FRMD4B: variants seen among roughly 807,000 people sequenced by gnomAD.
FRMD4B encodes FERM domain containing 4B.
A neutral mutation model predicts 141.5 loss-of-function variants in FRMD4B; 74 were observed. The ratio of observed to expected loss-of-function variants is 0.52; its 90% CI spans 0.43 to 0.63. The LOEUF is 0.63. Among genes scored for constraint, FRMD4B ranks in the 30% least tolerant of loss-of-function variants. The probability of loss-of-function intolerance (pLI) is 0.00; values close to 1 mark genes in which losing one functional copy is unlikely to be tolerated. For synonymous variants in FRMD4B, 506 were observed against 467.9 expected (o/e 1.08, Z -1.05); for missense variants, 1,366 against 1,253.4 (o/e 1.09, Z -1.36).
At chr3:69,316,243 CTA>C (rs1701799754) in intron 1 of FRMD4B, among the ~76,000 whole-genome samples, 1 of 152,142 alleles carries the variant, frequency 6.6e-6, no homozygotes, top group Non-Finnish European at 1.5e-5. Context: ...TGGCCTAAGC[CTA>C]TGTCCTTAAT....
intron 1 of FRMD4B, among the ~76,000 whole-genome samples, chr3:69,507,761 C>T (rs1026908394): frequency 2.6e-5 from 4 of 151,964 alleles, no homozygotes; most frequent in African/African-American, 9.7e-5. Context: ...GATGGTCTGG[C>T]TTGATCCAGA....
intron 1 of FRMD4B, among the ~76,000 whole-genome samples, chr3:69,344,962 C>T (rs1486719049): frequency 6.6e-6 from 1 of 152,108 alleles, no homozygotes; most frequent in African/African-American, 2.4e-5. Flanking sequence ...CTGGGTTCAT[C>T]TCACTGGGGC....
Position 69,187,770 on chromosome 3 carries a change from C to G in FRMD4B, c.1919G>C (p.Arg640Thr). ...CCTTACTGATGATATGACCTCTCAC[C>G]TGGACTGCCTGGTATCCACAAACTG... ...NEQFVDTRQS[R>T]EMLSTHSSPY... is the part of the protein sequence containing the mutation. The change falls in exon 19 of 23, where the codon AGA (arginine) becomes ACA (threonine). Residue 640 changes from arginine to threonine, a missense_variant and splice_region_variant. Arg to Thr is a moderately conservative substitution (Grantham distance 71, BLOSUM62 -1). Transcript: ENST00000398540. The G allele has an allele frequency of 6.2e-7, 1 of 1,610,478 alleles. No homozygotes were observed. The highest frequency in any genetic ancestry group is 8.5e-7 in the Non-Finnish European group (1 of 1,178,672).
intron 1 of FRMD4B, chr3:69,472,173 A>T (rs1705903610): frequency 4.0e-6 from 1 of 249,016 alleles, no homozygotes; most frequent in African/African-American, 2.3e-5. Context: ...CTTCACTTCC[A>T]AAAACAGAAA....
intron 1 of FRMD4B, among the ~76,000 whole-genome samples, chr3:69,465,788 T>C (rs577736601): frequency 6.6e-6 from 1 of 152,352 alleles, no homozygotes; most frequent in East Asian, 1.9e-4. Context: ...ATCCAGTCTA[T>C]GACTGATGGA....
At chr3:69,372,316 A>G (rs996192603) in intron 1 of FRMD4B, among the ~76,000 whole-genome samples, 3 of 152,200 alleles carry the variant, frequency 2.0e-5, no homozygotes, top group African/African-American at 7.2e-5. Context: ...TTGTATCCCA[A>G]GTGCCCAGAA....
chr3:69,293,973 C>T (rs1485673071), intron 4 of FRMD4B, among the ~76,000 whole-genome samples: 1 of 145,714 alleles, frequency 6.9e-6, no homozygotes, highest in African/African-American at 2.5e-5. Context: ...TCTGTTTTAA[C>T]ATAAAATGAG....
chr3:69,329,531 T>G (rs1433742195), intron 1 of FRMD4B, among the ~76,000 whole-genome samples: 1 of 123,720 alleles, frequency 8.1e-6, no homozygotes, highest in African/African-American at 3.4e-5. Flanking sequence ...TTTTTTTTTT[T>G]TTTTTTTTTT....
intron 1 of FRMD4B, among the ~76,000 whole-genome samples, chr3:69,482,507 T>G (rs138869719): frequency 1.3e-5 from 2 of 151,966 alleles, no homozygotes; most frequent in Non-Finnish European, 1.5e-5. Context: ...AGAGGGGGAA[T>G]GGGGAGAAAA....
intron 1 of FRMD4B, among the ~76,000 whole-genome samples, chr3:69,489,179 A>T (rs1196186782): frequency 6.6e-6 from 1 of 151,758 alleles, no homozygotes; most frequent in Non-Finnish European, 1.5e-5. Flanking sequence ...AAGAACTCTT[A>T]TATCTTAATA....
intron 1 of FRMD4B, among the ~76,000 whole-genome samples, chr3:69,516,187 T>C (rs1391669718): frequency 6.6e-6 from 1 of 152,102 alleles, no homozygotes; most frequent in Admixed American, 6.6e-5. Flanking sequence ...ATGGCATTAC[T>C]GCACTCTACT....
At position 69,432,165 on chromosome 3, in the gene FRMD4B, T is replaced by C. The variant is rs182039966; in HGVS notation, c.-1+469A>G. Among the ~76,000 whole-genome samples the C allele has an allele frequency of 4.5e-4, 69 of 152,332 alleles. 1 individual carries two copies. Among genetic ancestry groups the C allele is most frequent in the African/African-American group, 1.6e-3 (65 of 41,574 alleles). ...TCCCTTACTCCAATTAAGCTAAAGA[T>C]GAAAATCATTGCACTTATAAAAAGA... On this transcript the variant is annotated intron_variant, in intron 2 of 5. Transcript: ENST00000459638.
chr3:69,382,438 G>A (rs1318464080), intron 1 of FRMD4B, among the ~76,000 whole-genome samples: 5 of 152,214 alleles, frequency 3.3e-5, no homozygotes, highest in African/African-American at 1.2e-4. Context: ...GCCTCCCAAA[G>A]TGCTGGGATT....
chr3:69,197,011 C>T lies in FRMD4B; in HGVS notation c.981G>A (p.Gly327=). The part of the protein sequence containing the change: ...RRISVSRRTF[G]QSGLFVQTWY... ...ATGTTTGCACAAACAAGCCACTTTG[C>T]CCAAAGGTTCTTCTTGAAACTGAAA... Residue 327 remains glycine (G), a synonymous_variant, in exon 13 of 23, where the codon GGG becomes GGA. Coordinates refer to ENST00000398540, the MANE Select transcript of FRMD4B (RefSeq NM_015123.3). The T allele has an allele frequency of 2.5e-6, 4 of 1,609,834 alleles. No homozygotes were observed. Among genetic ancestry groups the T allele is most frequent in the Non-Finnish European group, 3.4e-6 (4 of 1,176,372 alleles).
intron 1 of FRMD4B, among the ~76,000 whole-genome samples, chr3:69,512,075 G>A (rs1017500315): frequency 6.6e-6 from 1 of 152,194 alleles, no homozygotes; most frequent in South Asian, 2.1e-4. Flanking sequence ...ATAAAGAAGA[G>A]AGATTTATGT....
intron 11 of FRMD4B, among the ~76,000 whole-genome samples, chr3:69,206,466 G>A (rs775871349): frequency 1.3e-5 from 2 of 152,148 alleles, no homozygotes; most frequent in African/African-American, 4.8e-5. Flanking sequence ...AATGTATAAC[G>A]TAAAAACGAG....
intron 2 of FRMD4B, among the ~76,000 whole-genome samples, chr3:69,393,350 G>A (rs141983803): frequency 1.2e-3 from 162 of 138,378 alleles, no homozygotes; most frequent in African/African-American, 3.7e-3. Context: ...AAAAAAGAGC[G>A]TCATGGTGTG....
In FRMD4B at chr3:69,300,858, C is replaced by T. The variant is rs1380919580; in HGVS notation, c.416+1485G>A. ...GGTTCAAGCTATTCTGCCTCAGCCT[C>T]TGGAGTAGCTGGGATTACAGATGCC... On this transcript the variant is annotated intron_variant, in intron 4 of 22. Coordinates refer to ENST00000398540, the MANE Select transcript of FRMD4B (RefSeq NM_015123.3). Among the ~76,000 whole-genome samples the T allele has an allele frequency of 2.0e-5, 3 of 152,304 alleles. No individual in the cohort carries two copies. The East Asian group carries it at 5.8e-4, about 29-fold the overall frequency.
intron 1 of FRMD4B, among the ~76,000 whole-genome samples, chr3:69,490,195 A>C (rs1046958980): frequency 9.9e-5 from 15 of 152,198 alleles, no homozygotes; most frequent in Non-Finnish European, 2.2e-4. Context: ...TGAATTGTGT[A>C]TTTTAAACAT....
Sources: allele counts gnomAD v4.1 joint callset (sites outside exome capture counted in the v4.1 genomes callset), GRCh38; gene constraint gnomAD v4.1.1; transcripts MANE v1.5; gene names NCBI Gene and HGNC (gene_info 2026-07-23, HGNC 2026-07-21).